The following UBE2L3 variants were observed in gnomAD, a reference collection of about 807,000 sequenced individuals.
UBE2L3 encodes the protein ubiquitin-conjugating enzyme E2 L3.
Under a neutral mutation model 17.8 loss-of-function variants are expected in UBE2L3, and 1 was observed. That is an observed-to-expected ratio of 0.06 (90% CI 0.02 to 0.27). The LOEUF (loss-of-function observed/expected upper bound fraction) is 0.27, where lower values mean the gene tolerates loss of function less well. Ranked by LOEUF, UBE2L3 falls within the 10% of genes least tolerant of loss-of-function variation. The probability of loss-of-function intolerance (pLI) is 1.00; values close to 1 mark genes in which losing one functional copy is unlikely to be tolerated. For synonymous variants in UBE2L3, 44 were observed against 68.5 expected (o/e 0.64, Z 1.76); for missense variants, 40 against 192.6 (o/e 0.21, Z 4.69).
At chr22:21,568,885 C>G (rs1374463960) in intron 1 of UBE2L3, among the ~76,000 whole-genome samples, 1 of 152,136 alleles carries the variant, frequency 6.6e-6, no homozygotes, top group East Asian at 1.9e-4. Flanking sequence ...CGTTTCCTTT[C>G]TTTTGTTCCC....
At position 21,611,058 on chromosome 22, in the gene UBE2L3, T is replaced by C; in HGVS notation, c.310+15T>C. The C allele has an allele frequency of 6.3e-7, 1 of 1,577,980 alleles. No homozygotes were observed. Among genetic ancestry groups the C allele is most frequent in the Non-Finnish European group, 8.6e-7 (1 of 1,163,364 alleles). On this transcript the variant is annotated intron_variant, in intron 3 of 3. Coordinates refer to ENST00000342192, the MANE Select transcript of UBE2L3 (RefSeq NM_003347.4). ...AACCGACCAAGGTAAGACATGTGCC[T>C]GTGTCTTCCTCGGAGGGGGTCTTTG...
chr22:21,582,118 TCAAAAAAAAAAACAAAAAAACAAA>T (rs1244186618), intron 1 of UBE2L3, among the ~76,000 whole-genome samples: 42 of 131,626 alleles, frequency 3.2e-4, no homozygotes, highest in Non-Finnish European at 1.6e-4. Flanking sequence ...AGACTTCATC[TCAAAAAAAAAAACAAAAAAACAAA>T]CAAAAAAAAA....
At chr22:21,603,570 G>A (rs2148434063) in intron 2 of UBE2L3, among the ~76,000 whole-genome samples, 1 of 146,566 alleles carries the variant, frequency 6.8e-6, no homozygotes, top group Admixed American at 6.9e-5. Context: ...TGGGCTGGTC[G>A]CCGTGGCTCA....
At chr22:21,584,592 G>A (rs1448240727) in intron 1 of UBE2L3, among the ~76,000 whole-genome samples, 1 of 151,734 alleles carries the variant, frequency 6.6e-6, no homozygotes, top group Non-Finnish European at 1.5e-5. Flanking sequence ...CAATCCTTCC[G>A]CTTCATTTTT....
chr22:21,587,366 T>A (rs1355501002), intron 1 of UBE2L3, among the ~76,000 whole-genome samples: 1 of 151,988 alleles, frequency 6.6e-6, no homozygotes, highest in East Asian at 1.9e-4. Context: ...AATTTTTGTA[T>A]TTTTAGTAGA....
intron 1 of UBE2L3, among the ~76,000 whole-genome samples, chr22:21,588,809 C>T (rs529564535): frequency 5.3e-5 from 8 of 152,072 alleles, no homozygotes; most frequent in Admixed American, 4.6e-4. Context: ...ATTATAGGTG[C>T]CTGCCACCAC....
At chr22:21,567,703 G>A (rs1296030218), upstream of UBE2L3, 2 of 1,565,754 alleles carry the variant, frequency 1.3e-6, no homozygotes, top group Non-Finnish European at 1.7e-6. Context: ...CCGCCCGGCC[G>A]GCCGCGATGC....
upstream of UBE2L3, among the ~76,000 whole-genome samples, chr22:21,566,902 G>A (rs1926659061): frequency 6.6e-6 from 1 of 152,166 alleles, no homozygotes; most frequent in Admixed American, 6.5e-5. Flanking sequence ...TCTGCTCCTA[G>A]CTGGCCGTGT....
At chr22:21,563,612 T>C (rs1173753142), upstream of UBE2L3, among the ~76,000 whole-genome samples, 2 of 145,744 alleles carry the variant, frequency 1.4e-5, no homozygotes. Flanking sequence ...ACTCTCACTC[T>C]GTCACCCAGG....
At chr22:21,614,709 T>C (rs1477782662) in intron 3 of UBE2L3, 2 of 1,251,342 alleles carry the variant, frequency 1.6e-6, no homozygotes, top group East Asian at 9.4e-5. Flanking sequence ...GATGCTCATA[T>C]GACCCAGCAA....
chr22:21,593,804 C>G (rs1011905619), intron 2 of UBE2L3, among the ~76,000 whole-genome samples: 2 of 152,148 alleles, frequency 1.3e-5, no homozygotes, highest in Non-Finnish European at 2.9e-5. Context: ...GGCAGCATTC[C>G]AGCCCCCAGT....
upstream of UBE2L3, among the ~76,000 whole-genome samples, chr22:21,564,014 A>G (rs1601386628): frequency 6.8e-6 from 1 of 147,038 alleles, no homozygotes; most frequent in Non-Finnish European, 1.5e-5. Context: ...AAAAAAGTCT[A>G]CTTCTTTTTC....
chr22:21,589,926 ATTC>A (rs1355593449), intron 1 of UBE2L3, among the ~76,000 whole-genome samples: 5 of 152,170 alleles, frequency 3.3e-5, no homozygotes, highest in Middle Eastern at 3.4e-3. Context: ...AGGGTTGCCC[ATTC>A]TTCTTTCTGG....
At chr22:21,608,332 C>G (rs899457191) in intron 2 of UBE2L3, among the ~76,000 whole-genome samples, 1 of 152,196 alleles carries the variant, frequency 6.6e-6, no homozygotes, top group African/African-American at 2.4e-5. Context: ...TCATTGCATT[C>G]TCAAACTCCT....
chr22:21,559,171 A>G lies in UBE2L3; in HGVS notation c.201+9521A>G, dbSNP rs558256990. Among the ~76,000 whole-genome samples, 3 of 152,122 alleles carry G rather than the reference A, an allele frequency of 2.0e-5. No individual in the cohort carries two copies. In the East Asian group the frequency reaches 5.8e-4, roughly 29 times the overall value. ...AGACCAGCCTGGCTAACATGGTGAA[A>G]CCCCATCTCTACTAAAAAACACAAA... On this transcript the variant is annotated intron_variant, in intron 1 of 3. Coordinates refer to the UBE2L3 transcript ENST00000458578.
At chr22:21,620,578 C>T (rs1289987248) in intron 3 of UBE2L3, among the ~76,000 whole-genome samples, 7 of 152,160 alleles carry the variant, frequency 4.6e-5, no homozygotes, top group African/African-American at 1.7e-4. Flanking sequence ...GCAGCTGCTT[C>T]TGATTCCCCA....
At chr22:21,582,874 T>C (rs752463281) in intron 1 of UBE2L3, among the ~76,000 whole-genome samples, 12 of 152,178 alleles carry the variant, frequency 7.9e-5, no homozygotes, top group Non-Finnish European at 1.8e-4. Context: ...CACAGTCATC[T>C]GGGAGCACTC....
intron 2 of UBE2L3, among the ~76,000 whole-genome samples, chr22:21,597,062 T>G (rs1479308204): frequency 1.3e-5 from 2 of 151,970 alleles, no homozygotes; most frequent in African/African-American, 4.8e-5. Context: ...CACTGCAACC[T>G]CTGCCTCCCG....
chr22:21,586,570 C>CT (rs77935916), intron 1 of UBE2L3, among the ~76,000 whole-genome samples: 4,279 of 138,158 alleles, frequency 0.031, 164 homozygotes, highest in South Asian at 0.13. Context: ...TGCACCCAGC[C>CT]TTTTTTTTTT....
Sources: gnomAD v4.1 joint callset for allele counts (sites outside exome capture counted in the v4.1 genomes callset) on GRCh38, gnomAD v4.1.1 for gene constraint, MANE v1.5 for transcripts, NCBI Gene and HGNC (gene_info 2026-07-23, HGNC 2026-07-21) for gene names.